The following DFFB variants were observed in gnomAD, a reference collection of about 807,000 sequenced individuals.
DFFB encodes DNA fragmentation factor 40 kDa subunit.
A neutral mutation model predicts 32.7 loss-of-function variants in DFFB; 29 were observed. The observed-to-expected ratio is 0.89, with a 90% CI of 0.66 to 1.21. The LOEUF (loss-of-function observed/expected upper bound fraction) is 1.21. Ranked by LOEUF, DFFB falls within the 50% of genes most tolerant of loss-of-function variation. DFFB has a pLI of 0.00. For missense variants in DFFB, 398 were observed against 440.6 expected, an observed-to-expected ratio of 0.90 and a Z score of 0.87; for synonymous variants, 170 against 177.1, an observed-to-expected ratio of 0.96 and a Z score of 0.32.
rs902929622 is a variant in DFFB, at chr1:3,870,944, G to A, written c.681+1169G>A. Reference sequence around the variant, plus strand: ...TGCAGATGTCTGTTCACGAATGAGTGTGTTGAGTGCTGGGCTGCGGACCAC... The same window carrying A: ...TGCAGATGTCTGTTCACGAATGAGTATGTTGAGTGCTGGGCTGCGGACCAC... On this transcript the variant is annotated intron_variant, in intron 5 of 6. Transcript: ENST00000378209. 4.6e-5 allele frequency among the ~76,000 whole-genome samples: 7 copies of A among 152,376 alleles called. 1 individual carries two copies. In the South Asian group the frequency reaches 1.4e-3, roughly 32 times the overall value.
intron 6 of DFFB, among the ~76,000 whole-genome samples, chr1:3,882,452 C>T (rs979660564): frequency 6.6e-6 from 1 of 152,048 alleles, no homozygotes. Flanking sequence ...GCAACCTCTG[C>T]CTCCAGGGTT....
chr1:3,874,770 G>A (rs34001258), intron 6 of DFFB, among the ~76,000 whole-genome samples: 10,620 of 142,442 alleles, frequency 0.075, 723 homozygotes, highest in Non-Finnish European at 0.1. Flanking sequence ...TTTACCACAC[G>A]CATGTGAATT....
chr1:3,879,835 T>C (rs1393220308), intron 6 of DFFB, among the ~76,000 whole-genome samples: 2 of 152,226 alleles, frequency 1.3e-5, no homozygotes, highest in Non-Finnish European at 2.9e-5. Flanking sequence ...GGGTTCTTCA[T>C]AAAACGAGCC....
At chr1:3,867,278 C>T (rs1266025529) in intron 3 of DFFB, among the ~76,000 whole-genome samples, 2 of 152,172 alleles carry the variant, frequency 1.3e-5, no homozygotes, top group Non-Finnish European at 2.9e-5. Flanking sequence ...GTGTACATAC[C>T]CCACTCTGTC....
chr1:3,884,088 T>C lies in DFFB; in HGVS notation c.*347T>C, dbSNP rs1570955320. 7.1e-6 allele frequency: 2 copies of C among 282,730 alleles called. No individual in the cohort carries two copies. The highest frequency in any genetic ancestry group is 1.8e-4 in the East Asian group (2 of 10,928). 17.5% of individuals were successfully genotyped at this position (282,730 alleles called of 1,614,324 possible). A position where few individuals can be genotyped will look rare whatever the true frequency, so the allele number is the denominator to read the frequency against. On this transcript the variant is annotated 3_prime_UTR_variant, in exon 7 of 7. Coordinates refer to ENST00000378209, the MANE Select transcript of DFFB (RefSeq NM_004402.4). ...TAGTAGAGACGGGGTTTCACCATGT[T>C]GGTCAGGCTGGTCTCAAACTCCTGA...
intron 6 of DFFB, among the ~76,000 whole-genome samples, chr1:3,881,429 C>T (rs1382241123): frequency 6.6e-6 from 1 of 152,242 alleles, no homozygotes; most frequent in Admixed American, 6.5e-5. Context: ...GTCTCGGTCC[C>T]ACCTCCCTGT....
chr1:3,866,219 C>T lies in DFFB; in HGVS notation c.430+219C>T, dbSNP rs1570907315. On this transcript the variant is annotated intron_variant, in intron 3 of 6. Coordinates refer to ENST00000378209, the MANE Select transcript of DFFB (RefSeq NM_004402.4). ...GGTGGGGCCAGAGTCCAGGGCAGCCCTCGGATGGGACTTTTTATATTTTTA... is the reference window on the plus strand; with the variant it reads ...GGTGGGGCCAGAGTCCAGGGCAGCCTTCGGATGGGACTTTTTATATTTTTA... 8 of 682,124 alleles carry T rather than the reference C, an allele frequency of 1.2e-5. No homozygotes were observed. In the East Asian group the frequency reaches 2.3e-4, roughly 19 times the overall value. 42.3% of individuals were successfully genotyped at this position (682,124 alleles called of 1,614,324 possible).
chr1:3,875,546 A>T (rs764673792), intron 6 of DFFB, among the ~76,000 whole-genome samples: 2 of 152,072 alleles, frequency 1.3e-5, no homozygotes, highest in Non-Finnish European at 2.9e-5. Context: ...ACTTGGTGTC[A>T]TTGTACTTTT....
chr1:3,885,396 T>C lies in DFFB; in HGVS notation c.*1655T>C, dbSNP rs1034432654. On this transcript the variant is annotated 3_prime_UTR_variant, in exon 7 of 7. Transcript: ENST00000378209. ...TTGAATTTTTACATTTGTTGTACAA[T>C]CAGGAAAAGCAATAAAGATTTTTCA... 9 of 152,196 alleles carry C rather than the reference T, an allele frequency of 5.9e-5. No homozygotes were observed. The highest frequency in any genetic ancestry group is 5.2e-4 in the Admixed American group (8 of 15,286). The allele number at this position is 152,196 out of a possible 1,614,324, so 9.4% of individuals were successfully genotyped here.
At chr1:3,862,575 A>C (rs533800303) in intron 2 of DFFB, among the ~76,000 whole-genome samples, 54 of 152,332 alleles carry the variant, frequency 3.5e-4, no homozygotes, top group African/African-American at 1.2e-3. Context: ...TCAGGATGCC[A>C]GGACCATTCA....
Position 3,868,136 on chromosome 1 carries a change from A to G in DFFB, c.510+83A>G, listed in dbSNP as rs1234151444. Reference sequence around the variant, plus strand: ...GCTCTGGAAGCCTGTGGTCCTCACGATGGGTAGTTGGTAGGACCACACTCC... The same window carrying G: ...GCTCTGGAAGCCTGTGGTCCTCACGGTGGGTAGTTGGTAGGACCACACTCC... On this transcript the variant is annotated intron_variant, in intron 4 of 6. Coordinates refer to ENST00000378209, the MANE Select transcript of DFFB (RefSeq NM_004402.4). 4.1e-5 allele frequency: 51 copies of G among 1,254,922 alleles called. 1 individual carries two copies. Among genetic ancestry groups the G allele is most frequent in the Non-Finnish European group, 3.2e-5 (27 of 853,094 alleles). The allele number at this position is 1,254,922 out of a possible 1,614,324, so 77.7% of individuals were successfully genotyped here.
At chr1:3,861,463 C>T (rs891503052) in intron 2 of DFFB, among the ~76,000 whole-genome samples, 1 of 152,128 alleles carries the variant, frequency 6.6e-6, no homozygotes, top group Non-Finnish European at 1.5e-5. Flanking sequence ...GGGTCTCACC[C>T]TGTCGCCCAG....
chr1:3,857,554 G>T lies in DFFB; in HGVS notation c.-50G>T. The T allele has an allele frequency of 7.3e-7, 1 of 1,374,664 alleles. No individual in the cohort carries two copies. Among genetic ancestry groups the T allele is most frequent in the Non-Finnish European group, 9.8e-7 (1 of 1,015,992 alleles). The allele number at this position is 1,374,664 out of a possible 1,614,324, so 85.2% of individuals were successfully genotyped here. A position where few individuals can be genotyped will look rare whatever the true frequency, so the allele number is the denominator to read the frequency against. ...GGCGAGGACGGATCTGAGCAGCTGG[G>T]CAGCAGGTGCCACCGCCTGTGGGAC... On this transcript the variant is annotated 5_prime_UTR_variant, in exon 1 of 7. Transcript: ENST00000378209.
At chr1:3,872,614 G>GGGCCCTGTCCCTGACGC in intron 6 of DFFB, 42 bp downstream of exon 6, 1 of 959,742 alleles carries the variant, frequency 1.0e-6, no homozygotes, top group Non-Finnish European at 1.5e-6. Context: ...AGTGCCTGCA[G>GGGCCCTGTCCCTGACGC]GGCCCTGTCC....
Position 3,873,576 on chromosome 1 carries a change from T to A in DFFB, c.782+1004T>A, listed in dbSNP as rs1007451059. ...CTCACCGCAACCTCCGCCTCCCGGG[T>A]TCAAGCGATTCTCCTACTTTAGCTT... On this transcript the variant is annotated intron_variant, in intron 6 of 6. Coordinates refer to ENST00000378209, the MANE Select transcript of DFFB (RefSeq NM_004402.4). Among the ~76,000 whole-genome samples the A allele has an allele frequency of 6.0e-5, 9 of 150,530 alleles. No homozygotes were observed. The Admixed American group carries it at 6.0e-4, about 10-fold the overall frequency.
At chr1:3,866,078 C>T in intron 3 of DFFB, 78 bp downstream of exon 3, 1 of 1,271,440 alleles carries the variant, frequency 7.9e-7, no homozygotes, top group African/African-American at 1.5e-5. Flanking sequence ...TTCCAAAAAG[C>T]CCCCAGTGAA....
chr1:3,879,644 C>G (rs1229055088), intron 6 of DFFB, among the ~76,000 whole-genome samples: 1 of 152,162 alleles, frequency 6.6e-6, no homozygotes, highest in African/African-American at 2.4e-5. Context: ...GTTCTTCCAG[C>G]CTCCAGGACT....
At chr1:3,878,318 A>G (rs1402222123) in intron 6 of DFFB, among the ~76,000 whole-genome samples, 1 of 151,912 alleles carries the variant, frequency 6.6e-6, no homozygotes, top group African/African-American at 2.4e-5. Context: ...TGCCTGGCTA[A>G]TTTTTGTATT....
In DFFB at chr1:3,857,498, G is replaced by C; in HGVS notation, c.-106G>C. The C allele has an allele frequency of 4.1e-6, 3 of 734,578 alleles. 1 individual carries two copies. The South Asian group carries it at 7.4e-5, about 18-fold the overall frequency. 45.5% of individuals were successfully genotyped at this position (734,578 alleles called of 1,614,324 possible). A position where few individuals can be genotyped will look rare whatever the true frequency, so the allele number is the denominator to read the frequency against. On this transcript the variant is annotated 5_prime_UTR_variant, in exon 1 of 7. Coordinates refer to ENST00000378209, the MANE Select transcript of DFFB (RefSeq NM_004402.4). ...GGCACCCGGCCTGTGCCAGCTTGCA[G>C]AGCTCACCAGGTGCAGACCCCTGCG...
Sources: gnomAD v4.1 joint callset for allele counts (sites outside exome capture counted in the v4.1 genomes callset) on GRCh38, gnomAD v4.1.1 for gene constraint, MANE v1.5 for transcripts, NCBI Gene and HGNC (gene_info 2026-07-23, HGNC 2026-07-21) for gene names.